The following WARS2 variants were observed in gnomAD, a reference collection of about 807,000 sequenced individuals.
WARS2 encodes tryptophanyl tRNA synthetase 2, mitochondrial.
In WARS2, 28 loss-of-function variants were observed where a neutral mutation model predicts 36.5. The ratio of observed to expected loss-of-function variants is 0.77; its 90% confidence interval spans 0.57 to 1.05. The LOEUF (loss-of-function observed/expected upper bound fraction) is 1.05. WARS2 is among the 50% of genes least tolerant of loss of function. The pLI is 0.00. For synonymous variants in WARS2, 174 were observed against 178.4 expected (o/e 0.98, Z 0.20); for missense variants, 435 against 456.8 (o/e 0.95, Z 0.44).
Position 119,085,086 on chromosome 1 carries a change from C to T in WARS2, c.91-8479G>A, listed in dbSNP as rs1652522113. ...ATGCCTATGGGATTTATCTCAGCTC[C>T]TACCTCTACTTCTATGACTACGCCC... On this transcript the variant is annotated intron_variant, in intron 1 of 5. Transcript: ENST00000235521. 6 of 762,284 alleles carry T rather than the reference C, an allele frequency of 7.9e-6. No individual in the cohort carries two copies. The South Asian group carries it at 8.2e-5, about 10-fold the overall frequency. The allele number at this position is 762,284 out of a possible 1,614,324, so 47.2% of individuals were successfully genotyped here.
chr1:119,052,873 T>A (rs1649479362), intron 2 of WARS2, among the ~76,000 whole-genome samples: 1 of 152,196 alleles, frequency 6.6e-6, no homozygotes. Flanking sequence ...ATAGCCCCTA[T>A]CTGAACATTC....
intron 1 of WARS2, among the ~76,000 whole-genome samples, chr1:119,117,840 C>T (rs1655076101): frequency 6.6e-6 from 1 of 152,134 alleles, no homozygotes; most frequent in South Asian, 2.1e-4. Flanking sequence ...ACAATAACTG[C>T]AGTCTGGCTC....
intron 1 of WARS2, among the ~76,000 whole-genome samples, chr1:119,082,028 A>G (rs17023210): frequency 0.017 from 2,577 of 152,268 alleles, 77 homozygotes; most frequent in African/African-American, 0.06. Context: ...AGGAATCAAT[A>G]GAGTAAATAT....
chr1:119,088,928 G>C (rs1220376578), intron 1 of WARS2, among the ~76,000 whole-genome samples: 2 of 152,288 alleles, frequency 1.3e-5, no homozygotes, highest in South Asian at 4.2e-4. Context: ...TTTCCTACCA[G>C]AAAGTCTGGA....
At position 119,043,705 on chromosome 1, in the gene WARS2, C is replaced by T. The variant is rs568371811; in HGVS notation, c.430-1356G>A. Among the ~76,000 whole-genome samples, 4 of 152,144 alleles carry T rather than the reference C, an allele frequency of 2.6e-5. No homozygotes were observed. The South Asian group carries it at 6.2e-4, about 24-fold the overall frequency. The stretch of plus-strand genomic sequence containing the variant: ...GGAAACGTGCAAATTGAAGAAGAAC[C>T]CAATTTTTAAAAGTTGCCATCACAT... On this transcript the variant is annotated intron_variant, in intron 3 of 5. Coordinates refer to ENST00000235521, the MANE Select transcript of WARS2 (RefSeq NM_015836.4).
intron 1 of WARS2, among the ~76,000 whole-genome samples, chr1:119,129,643 A>G (rs753693504): frequency 6.6e-6 from 1 of 152,162 alleles, no homozygotes; most frequent in Non-Finnish European, 1.5e-5. Context: ...TGAGTCCAGG[A>G]CATCAAGGCT....
At chr1:119,066,767 G>A (rs994901856) in intron 2 of WARS2, among the ~76,000 whole-genome samples, 14 of 152,222 alleles carry the variant, frequency 9.2e-5, no homozygotes, top group South Asian at 4.2e-4. Flanking sequence ...AAATGTTGCC[G>A]AGGAGAGTTC....
chr1:119,084,347 A>C (rs1652453526), intron 1 of WARS2, among the ~76,000 whole-genome samples: 1 of 152,004 alleles, frequency 6.6e-6, no homozygotes. Flanking sequence ...ATGTTTTGGA[A>C]ATAGACAGAG....
intron 1 of WARS2, among the ~76,000 whole-genome samples, chr1:119,080,674 G>A (rs1430901145): frequency 1.3e-5 from 2 of 152,234 alleles, no homozygotes; most frequent in Non-Finnish European, 2.9e-5. Context: ...GCAGGAGTCA[G>A]CAGGCGGCCT....
chr1:119,078,917 T>G (rs1651976568), intron 1 of WARS2, among the ~76,000 whole-genome samples: 1 of 151,210 alleles, frequency 6.6e-6, no homozygotes, highest in South Asian at 2.1e-4. Context: ...TGTGTGTGTG[T>G]GTGCATATAT....
At chr1:119,033,529 CCACA>C (rs1647625167) in intron 5 of WARS2, 170 bp from the exon 6 acceptor site, 2 of 757,564 alleles carry the variant, frequency 2.6e-6, no homozygotes, top group Non-Finnish European at 4.3e-6. Flanking sequence ...CTTGAAATAC[CCACA>C]CAACCATTCT....
In WARS2 at chr1:119,131,163, C is replaced by T. The variant is rs190639401; in HGVS notation, c.90+9392G>A. Among the ~76,000 whole-genome samples the T allele has an allele frequency of 9.9e-5, 15 of 152,102 alleles. No individual in the cohort carries two copies. In the East Asian group the frequency reaches 1.4e-3, roughly 14 times the overall value. On this transcript the variant is annotated intron_variant, in intron 1 of 5. Coordinates refer to ENST00000235521, the MANE Select transcript of WARS2 (RefSeq NM_015836.4). ...AGCTTAAGAACAAAGTTTTTGGAAC[C>T]GATATCTGAGGTTTTTTGGTTGTTG...
intron 2 of WARS2, among the ~76,000 whole-genome samples, chr1:119,054,112 T>C (rs965738690): frequency 6.7e-6 from 1 of 150,106 alleles, no homozygotes; most frequent in Admixed American, 6.6e-5. Context: ...TATTTAATTA[T>C]AAATTATTGT....
At chr1:119,085,960 C>T (rs774098354) in intron 1 of WARS2, 170 of 1,609,762 alleles carry the variant, frequency 1.1e-4, no homozygotes, top group Middle Eastern at 2.3e-4. Flanking sequence ...TTCATCTCCA[C>T]GGGCCCAAAC....
intron 1 of WARS2, chr1:119,085,515 TCAGA>T: frequency 1.9e-6 from 3 of 1,595,928 alleles, no homozygotes; most frequent in South Asian, 2.3e-5. Context: ...TTCAGAGCTC[TCAGA>T]CAAACTTGGT....
intron 1 of WARS2, among the ~76,000 whole-genome samples, chr1:119,091,726 C>T (rs1454265633): frequency 2.6e-5 from 4 of 152,128 alleles, no homozygotes; most frequent in African/African-American, 9.7e-5. Context: ...ATTCTAAACA[C>T]AGGTGGTGAG....
intron 4 of WARS2, among the ~76,000 whole-genome samples, chr1:119,040,419 T>G (rs1249715963): frequency 1.3e-5 from 2 of 152,208 alleles, no homozygotes; most frequent in Non-Finnish European, 2.9e-5. Context: ...CCATTACAGC[T>G]CTTGAACTAT....
chr1:119,033,415 C>A, intron 5 of WARS2, 56 bp from the exon 6 acceptor site: 1 of 1,597,860 alleles, frequency 6.3e-7, no homozygotes, highest in Non-Finnish European at 8.5e-7. Context: ...ACAAACAGAT[C>A]ACCAAGATGT....
intron 1 of WARS2, among the ~76,000 whole-genome samples, chr1:119,105,298 A>G (rs2101474854): frequency 6.6e-6 from 1 of 152,298 alleles, no homozygotes; most frequent in Middle Eastern, 3.4e-3. Flanking sequence ...CAAATGTTCT[A>G]TTTTGGACAA....
Sources: allele counts gnomAD v4.1 joint callset (sites outside exome capture counted in the v4.1 genomes callset), GRCh38; gene constraint gnomAD v4.1.1; transcripts MANE v1.5; gene names NCBI Gene and HGNC (gene_info 2026-07-23, HGNC 2026-07-21).